The following ZNF142 variants were observed in gnomAD, a reference collection of about 807,000 sequenced individuals.
The protein encoded by ZNF142 is zinc finger protein 142.
ZNF142 carries 96 observed loss-of-function variants against 132.1 expected under a neutral mutation model. The ratio of observed to expected loss-of-function variants is 0.73; its 90% confidence interval spans 0.62 to 0.86. ZNF142 has a LOEUF of 0.86. ZNF142 is among the 40% of genes least tolerant of loss of function. The probability of loss-of-function intolerance (pLI) is 0.00; values close to 1 mark genes in which losing one functional copy is unlikely to be tolerated. For missense variants in ZNF142, 2,163 were observed against 2,336.2 expected, an observed-to-expected ratio of 0.93 and a Z score of 1.53; for synonymous variants, 842 against 890.1, an observed-to-expected ratio of 0.95 and a Z score of 0.96.
Position 218,638,571 on chromosome 2 carries a change from T to C in ZNF142, c.5432A>G (p.His1811Arg). The change falls in exon 11 of 11, where the codon CAT (histidine) becomes CGT (arginine). Residue 1811 changes from histidine to arginine, a missense_variant. Transcript: ENST00000411696. ...AFRWAAGLRH[H>R]ALTHTDRHPF... ...GTGGCGGTCGGTGTGGGTGAGGGCA[T>C]GATGGCGCAGGCCAGCAGCCCAGCG... 1 of 1,612,190 alleles carries C rather than the reference T, an allele frequency of 6.2e-7. No individual in the cohort carries two copies. The highest frequency in any genetic ancestry group is 8.5e-7 in the Non-Finnish European group (1 of 1,178,458).
At chr2:218,641,991 C>T in intron 9 of ZNF142, 37 bp downstream of exon 9, 3 of 1,592,686 alleles carry the variant, frequency 1.9e-6, no homozygotes, top group Middle Eastern at 1.7e-4. Flanking sequence ...AGAGCCTGTG[C>T]TCCTTCCACT....
chr2:218,656,817 CTTTTTTT>C (rs34530017), intron 3 of ZNF142, among the ~76,000 whole-genome samples: 1 of 119,450 alleles, frequency 8.4e-6, no homozygotes, highest in Admixed American at 8.4e-5. Context: ...CTCAGAAGTC[CTTTTTTT>C]TTTTTTTTTT....
At position 218,633,832 on chromosome 2, in the gene ZNF142, A is replaced by T; in HGVS notation, c.*4507T>A. The T allele has an allele frequency of 6.5e-7, 1 of 1,547,378 alleles. No homozygotes were observed. ...GTTCAGGCCTGATGGACTGGCAGGT[A>T]AGTCCCAAGAAAAAAGACAAGGTAG... On this transcript the variant is annotated 3_prime_UTR_variant, in exon 11 of 11. Transcript: ENST00000411696.
rs75015805 is a variant in ZNF142, at chr2:218,650,257, C to T, written c.1048+102G>A. ...CAAGGTAGAACAGAATAAAAGGATCCGAACCAAAGCTCAGAAAACAAACCC... is the reference window on the plus strand; with the variant it reads ...CAAGGTAGAACAGAATAAAAGGATCTGAACCAAAGCTCAGAAAACAAACCC... On this transcript the variant is annotated intron_variant, in intron 6 of 10. Coordinates refer to ENST00000411696, the MANE Select transcript of ZNF142 (RefSeq NM_001379659.1). 1,779 of 1,443,754 alleles carry T rather than the reference C, an allele frequency of 1.2e-3. 19 individuals carry two copies. In the African/African-American group the frequency reaches 0.021, roughly 17 times the overall value. The allele number at this position is 1,443,754 out of a possible 1,614,324, so 89.4% of individuals were successfully genotyped here.
chr2:218,644,957 G>A lies in ZNF142; in HGVS notation c.2159C>T (p.Ala720Val), dbSNP rs767138819. 1.9e-6 allele frequency: 3 copies of A among 1,614,048 alleles called. No individual in the cohort carries two copies. The highest frequency in any genetic ancestry group is 2.7e-5 in the African/African-American group (2 of 74,910). ...KSLMCEVCAF[A>V]CKRKYELQKH... is the part of the protein sequence containing the mutation. ...CTGCAGCTCATACTTCCGCTTGCAG[G>A]CGAAGGCACACACCTCACACATCAG... Residue 720 changes from alanine (A) to valine (V), a missense_variant, in exon 9 of 11, where the codon GCC becomes GTC. This residue lies in a region of ZNF142 where 749 missense variants were observed against 830.3 expected (regional missense o/e 0.90). Transcript: ENST00000411696. The surrounding 1 kb of genome is among the most constrained non-coding windows in gnomAD (Gnocchi z 4.6).
In ZNF142 at chr2:218,642,492, T is replaced by C. The variant is rs772039432; in HGVS notation, c.4624A>G (p.Ser1542Gly). The C allele has an allele frequency of 5.6e-6, 9 of 1,607,584 alleles. No individual in the cohort carries two copies. Among genetic ancestry groups the C allele is most frequent in the Non-Finnish European group, 7.7e-6 (9 of 1,176,126 alleles). ...RCGLLCPSPA[S>G]LRGHTRKQHP... ...TGTTTACGGGTGTGTCCTCGTAAGC[T>C]GGCAGGGCTGGGGCACAGCAACCCA... Residue 1542 changes from serine to glycine, a missense_variant, in exon 9 of 11, where the codon AGC becomes GGC. Around this residue, in one of 7 missense-constraint regions of ZNF142, gnomAD observed 809 missense variants for 801.7 expected, o/e 1.01. Coordinates refer to ENST00000411696, the MANE Select transcript of ZNF142 (RefSeq NM_001379659.1). The surrounding 1 kb of genome is among the most constrained non-coding windows in gnomAD (Gnocchi z 4.6).
chr2:218,646,293 G>A lies in ZNF142; in HGVS notation c.1929C>T (p.Tyr643=). The A allele has an allele frequency of 1.9e-6, 3 of 1,614,194 alleles. No individual in the cohort carries two copies. Among genetic ancestry groups the A allele is most frequent in the Non-Finnish European group, 2.5e-6 (3 of 1,180,038 alleles). Residue 643 remains tyrosine (Y), a synonymous_variant, in exon 8 of 11, where the codon TAC becomes TAT. Transcript: ENST00000411696. ...LCDFTCRDVS[Y]LSKHMLTHSN... is the part of the protein sequence containing the mutation. The stretch of plus-strand genomic sequence containing the variant: ...AGTGGGTCAGCATGTGCTTGGATAG[G>A]TAGCTCACGTCTCGGCATGTGAAGT...
Position 218,633,710 on chromosome 2 carries a change from G to A in ZNF142, c.*4629C>T, listed in dbSNP as rs200474131. 4.5e-5 allele frequency: 72 copies of A among 1,613,744 alleles called. No homozygotes were observed. The highest frequency in any genetic ancestry group is 1.6e-4 in the Middle Eastern group (1 of 6,084). ...TTCAAAGGAGCACTACCACTTCTACGAGATATCATCTTTCTCTGAAACCAA... is the reference window on the plus strand; with the variant it reads ...TTCAAAGGAGCACTACCACTTCTACAAGATATCATCTTTCTCTGAAACCAA... On this transcript the variant is annotated 3_prime_UTR_variant, in exon 11 of 11. Transcript: ENST00000411696.
chr2:218,642,555 C>T lies in ZNF142; in HGVS notation c.4561G>A (p.Ala1521Thr). 6.2e-7 allele frequency: 1 copy of T among 1,612,722 alleles called. No individual in the cohort carries two copies. The highest frequency in any genetic ancestry group is 1.3e-5 in the African/African-American group (1 of 75,022). ...TGCAGGGGGCCCTCAGTGGTCTCTG[C>T]AGGAGAGCCAGGGGCAGGCTGTGCA... ...EPAQPAPGSP[A>T]ETTEGPLHCS... Residue 1521 changes from alanine (A) to threonine (T), a missense_variant, in exon 9 of 11, where the codon GCA (alanine) becomes ACA (threonine). Ala to Thr is a moderately conservative substitution (Grantham distance 58). Around this residue, in one of 7 missense-constraint regions of ZNF142, gnomAD observed 809 missense variants for 801.7 expected, o/e 1.01. Transcript: ENST00000411696. This position sits in a 1 kb window ranked among gnomAD's most constrained non-coding sequence, Gnocchi z 4.6.
chr2:218,633,953 G>C lies in ZNF142; in HGVS notation c.*4386C>G, dbSNP rs1696548681. ...CAAGGGTCTAGGGGCAGGAAAGCTG[G>C]TCTGGATGGACAGAGTAGAGAGGCA... On this transcript the variant is annotated 3_prime_UTR_variant, in exon 11 of 11. Transcript: ENST00000411696. The C allele has an allele frequency of 8.1e-7, 1 of 1,237,244 alleles. No homozygotes were observed. Among genetic ancestry groups the C allele is most frequent in the Non-Finnish European group, 1.1e-6 (1 of 888,922 alleles). 76.6% of individuals were successfully genotyped at this position (1,237,244 alleles called of 1,614,324 possible).
rs369535197 is a variant in ZNF142 at position 218,656,299 on chromosome 2, C to A, written c.131G>T (p.Cys44Phe). ...RGILGPVQSP[C>F]PSRDPAPIPT... ...TATAGGTGCAGGGTCCCGGGAAGGA[C>A]AGGGGCTCTGGACAGGCCCCAGGAT... The change falls in exon 4 of 11, where the codon TGT (cysteine) becomes TTT (phenylalanine). Residue 44 changes from cysteine to phenylalanine, a missense_variant. Around this residue, in one of 7 missense-constraint regions of ZNF142, gnomAD observed 195 missense variants for 172.4 expected, o/e 1.13. Transcript: ENST00000411696. 2 of 1,612,350 alleles carry A rather than the reference C, an allele frequency of 1.2e-6. No individual in the cohort carries two copies. Among genetic ancestry groups the A allele is most frequent in the South Asian group, 1.1e-5 (1 of 90,530 alleles).
At chr2:218,647,184 G>C (rs1003280130) in intron 7 of ZNF142, among the ~76,000 whole-genome samples, 2 of 151,946 alleles carry the variant, frequency 1.3e-5, no homozygotes, top group South Asian at 4.2e-4. Context: ...AGCATTTTGG[G>C]AGGTCGAGGC....
Position 218,634,683 on chromosome 2 carries a change from G to A in ZNF142, c.*3656C>T. On this transcript the variant is annotated 3_prime_UTR_variant, in exon 11 of 11. Transcript: ENST00000411696. The surrounding 1 kb of genome is among the most constrained non-coding windows in gnomAD (Gnocchi z 4.0). ...AAACTGAGATAACTGGGATAGAAGT[G>A]AGGGAAGAGGTGGCTAGGCCTGACC... The A allele has an allele frequency of 6.3e-7, 1 of 1,585,878 alleles. No homozygotes were observed. The highest frequency in any genetic ancestry group is 8.6e-7 in the Non-Finnish European group (1 of 1,160,714).
At position 218,643,603 on chromosome 2, in the gene ZNF142, C is replaced by T. The variant is rs745474082; in HGVS notation, c.3513G>A (p.Leu1171=). 1.9e-6 allele frequency: 3 copies of T among 1,563,424 alleles called. No individual in the cohort carries two copies. The highest frequency in any genetic ancestry group is 2.6e-6 in the Non-Finnish European group (3 of 1,156,216). Residue 1171 remains leucine (L), a synonymous_variant, in exon 9 of 11, where the codon TTG becomes TTA. Coordinates refer to ENST00000411696, the MANE Select transcript of ZNF142 (RefSeq NM_001379659.1). ...AGTGCTTCTTAGGGGCCTCTGTGGG[C>T]AAGGAGTTTCCTGCAGGAGGGACTG... The part of the protein sequence containing the change: ...GSPVPPAGNS[L]PTEAPKKHCF...
At chr2:218,639,211 T>C (rs760928734) in intron 10 of ZNF142, among the ~76,000 whole-genome samples, 1 of 152,254 alleles carries the variant, frequency 6.6e-6, no homozygotes, top group Non-Finnish European at 1.5e-5. Flanking sequence ...CCTCCAGTGA[T>C]GTGCCCTCCT....
In ZNF142 at chr2:218,642,021, A is replaced by G. The variant is rs973770616; in HGVS notation, c.5088+7T>C. 6.2e-7 allele frequency: 1 copy of G among 1,611,764 alleles called. No homozygotes were observed. The highest frequency in any genetic ancestry group is 1.3e-5 in the African/African-American group (1 of 74,900). Reference sequence around the variant, plus strand: ...TCCACTTCCTGCCCCATATCCTCTGACATTACCTTGAGACGAGAGGGATCA... The same window carrying G: ...TCCACTTCCTGCCCCATATCCTCTGGCATTACCTTGAGACGAGAGGGATCA... On this transcript the variant is annotated splice_region_variant and intron_variant, in intron 9 of 10. Transcript: ENST00000411696. This position sits in a 1 kb window ranked among gnomAD's most constrained non-coding sequence, Gnocchi z 4.6.
rs1417760888 is a variant in ZNF142, at chr2:218,642,016, C to G, written c.5088+12G>C. On this transcript the variant is annotated intron_variant, in intron 9 of 10. Coordinates refer to ENST00000411696, the MANE Select transcript of ZNF142 (RefSeq NM_001379659.1). This position sits in a 1 kb window ranked among gnomAD's most constrained non-coding sequence, Gnocchi z 4.6. ...CTCCTTCCACTTCCTGCCCCATATCCTCTGACATTACCTTGAGACGAGAGG... is the reference window on the plus strand; with the variant it reads ...CTCCTTCCACTTCCTGCCCCATATCGTCTGACATTACCTTGAGACGAGAGG... 1 of 1,610,472 alleles carries G rather than the reference C, an allele frequency of 6.2e-7. No homozygotes were observed. The highest frequency in any genetic ancestry group is 8.5e-7 in the Non-Finnish European group (1 of 1,177,566).
Position 218,643,406 on chromosome 2 carries a change from C to T in ZNF142, c.3710G>A (p.Arg1237Gln), listed in dbSNP as rs199612158. Reference sequence around the variant, plus strand: ...CACGTGAGAGGTAATAGAGGAGAGCCGGGAACAAAGGAATGGGCAGGAGTT... The same window carrying T: ...CACGTGAGAGGTAATAGAGGAGAGCTGGGAACAAAGGAATGGGCAGGAGTT... ...HCNSCPFLCS[R>Q]LSSITSHVAE... Residue 1237 changes from arginine (R) to glutamine (Q), a missense_variant, in exon 9 of 11, where the codon CGG becomes CAG. Coordinates refer to ENST00000411696, the MANE Select transcript of ZNF142 (RefSeq NM_001379659.1). 8.5e-5 allele frequency: 138 copies of T among 1,614,168 alleles called. 1 individual carries two copies. The highest frequency in any genetic ancestry group is 4.1e-4 in the African/African-American group (31 of 75,032).
intron 3 of ZNF142, among the ~76,000 whole-genome samples, chr2:218,657,682 G>A (rs1455207901): frequency 2.6e-5 from 4 of 151,992 alleles, no homozygotes; most frequent in Non-Finnish European, 5.9e-5. Context: ...CACCTGCCTC[G>A]GCCTCCCAAA....
Sources: allele counts gnomAD v4.1 joint callset (sites outside exome capture counted in the v4.1 genomes callset), GRCh38; gene constraint gnomAD v4.1.1; regional missense constraint gnomAD v4.1.1; non-coding constraint Gnocchi (gnomAD v3.1); transcripts MANE v1.5; gene names NCBI Gene and HGNC (gene_info 2026-07-23, HGNC 2026-07-21).